ATXN7L1: variants seen among roughly 807,000 people sequenced by gnomAD.
ATXN7L1 encodes ataxin-7-like protein 1.
In ATXN7L1, 15 loss-of-function variants were observed where a neutral mutation model predicts 70.8. That is an observed-to-expected ratio of 0.21 (90% CI 0.14 to 0.33). The LOEUF is 0.33. ATXN7L1 is among the 10% of genes least tolerant of loss of function. The pLI is 1.00. For synonymous variants in ATXN7L1, 440 were observed against 445.1 expected (o/e 0.99, Z 0.14); for missense variants, 975 against 1,097.1 (o/e 0.89, Z 1.57).
intron 2 of ATXN7L1, among the ~76,000 whole-genome samples, chr7:105,872,998 C>A (rs1818496588): frequency 6.6e-6 from 1 of 151,912 alleles, no homozygotes; most frequent in Non-Finnish European, 1.5e-5. Flanking sequence ...ACTAAAAATT[C>A]AAAAAATCAG....
chr7:105,848,680 T>G (rs1232572693), intron 2 of ATXN7L1, among the ~76,000 whole-genome samples: 1 of 152,216 alleles, frequency 6.6e-6, no homozygotes, highest in Non-Finnish European at 1.5e-5. Context: ...CTAGCTTTTT[T>G]CTTCTTTTGT....
intron 3 of ATXN7L1, among the ~76,000 whole-genome samples, chr7:105,774,921 T>C (rs1379210924): frequency 6.6e-6 from 1 of 152,172 alleles, no homozygotes; most frequent in Non-Finnish European, 1.5e-5. Flanking sequence ...AAAGTATCTA[T>C]GACGCTAATA....
At chr7:105,849,449 ACCAGGGCTGGGC>A (rs1306275124) in intron 2 of ATXN7L1, among the ~76,000 whole-genome samples, 1 of 152,132 alleles carries the variant, frequency 6.6e-6, no homozygotes, top group Admixed American at 6.5e-5. Context: ...ACACCAAAAC[ACCAGGGCTGGGC>A]CCCCGCTAGA....
At chr7:105,768,459 T>C (rs1447355439) in intron 3 of ATXN7L1, among the ~76,000 whole-genome samples, 1 of 152,224 alleles carries the variant, frequency 6.6e-6, no homozygotes, top group African/African-American at 2.4e-5. Flanking sequence ...CAGGATCAAG[T>C]TGTATCTGTG....
intron 3 of ATXN7L1, among the ~76,000 whole-genome samples, chr7:105,742,008 TG>T (rs1459862674): frequency 2.6e-5 from 4 of 152,130 alleles, no homozygotes; most frequent in African/African-American, 7.2e-5. Flanking sequence ...TCCAGAACTG[TG>T]AGATACATTT....
At chr7:105,615,023 C>A (rs1793664146) in intron 9 of ATXN7L1, among the ~76,000 whole-genome samples, 1 of 152,074 alleles carries the variant, frequency 6.6e-6, no homozygotes, top group South Asian at 2.1e-4. Context: ...ACCTAATTTT[C>A]ATCACGCACA....
At chr7:105,685,370 A>G (rs928262110) in intron 3 of ATXN7L1, among the ~76,000 whole-genome samples, 1 of 152,348 alleles carries the variant, frequency 6.6e-6, no homozygotes, top group Admixed American at 6.5e-5. Flanking sequence ...ATAAGTCAAG[A>G]TACCATTTCC....
intron 4 of ATXN7L1, among the ~76,000 whole-genome samples, chr7:105,650,667 A>G (rs1471211228): frequency 6.6e-6 from 1 of 152,234 alleles, no homozygotes; most frequent in Admixed American, 6.5e-5. Flanking sequence ...ACTGCCGGCC[A>G]AGAAGGTCAT....
At position 105,655,911 on chromosome 7, in the gene ATXN7L1, C is replaced by T. The variant is rs374665095; in HGVS notation, c.578+9155G>A. Among the ~76,000 whole-genome samples the T allele has an allele frequency of 1.2e-4, 19 of 152,364 alleles. 1 individual carries two copies. Among genetic ancestry groups the T allele is most frequent in the African/African-American group, 4.3e-4 (18 of 41,594 alleles). ...ATGCACAGGGAGGCCAGGGAGCCTG[C>T]TGATTTTTCTTTTGCTTTGGCTCAT... On this transcript the variant is annotated intron_variant, in intron 4 of 11. Transcript: ENST00000419735.
chr7:105,838,103 G>C (rs1812673085), intron 2 of ATXN7L1, among the ~76,000 whole-genome samples: 1 of 152,154 alleles, frequency 6.6e-6, no homozygotes, highest in South Asian at 2.1e-4. Flanking sequence ...AGCGCAATAT[G>C]TGATCCTAGA....
At chr7:105,872,759 A>G (rs1245655731) in intron 2 of ATXN7L1, among the ~76,000 whole-genome samples, 2 of 152,108 alleles carry the variant, frequency 1.3e-5, no homozygotes, top group African/African-American at 4.8e-5. Context: ...GTTGTGTAAT[A>G]TTATGAAAGT....
At chr7:105,793,479 C>CT (rs555492676) in intron 2 of ATXN7L1, among the ~76,000 whole-genome samples, 35 of 152,296 alleles carry the variant, frequency 2.3e-4, no homozygotes, top group Non-Finnish European at 4.3e-4. Context: ...CCTAAGGACT[C>CT]TCCCCCATGA....
At chr7:105,739,201 C>T (rs754799970) in intron 3 of ATXN7L1, among the ~76,000 whole-genome samples, 3 of 152,170 alleles carry the variant, frequency 2.0e-5, no homozygotes, top group South Asian at 2.1e-4. Flanking sequence ...CAAGCAACAG[C>T]ATCAATGGGA....
chr7:105,694,328 G>A (rs945977136), intron 3 of ATXN7L1, among the ~76,000 whole-genome samples: 1 of 151,948 alleles, frequency 6.6e-6, no homozygotes, highest in Non-Finnish European at 1.5e-5. Context: ...GTACAGGTGT[G>A]AGCCACTGCA....
intron 4 of ATXN7L1, among the ~76,000 whole-genome samples, chr7:105,650,996 C>T (rs1799749071): frequency 6.6e-6 from 1 of 152,218 alleles, no homozygotes; most frequent in Admixed American, 6.5e-5. Flanking sequence ...ATCAGACCAA[C>T]CTAGACTCAA....
Position 105,661,265 on chromosome 7 carries a change from C to T in ATXN7L1, c.578+3801G>A, listed in dbSNP as rs111883856. On this transcript the variant is annotated intron_variant, in intron 4 of 11. Coordinates refer to ENST00000419735, the MANE Select transcript of ATXN7L1 (RefSeq NM_020725.2). The stretch of plus-strand genomic sequence containing the variant: ...GGCACACAGTATTACAATAGGTGCT[C>T]ATTAAATGTTGAGTAAAGATGGACG... 8.4e-3 allele frequency among the ~76,000 whole-genome samples: 1,279 copies of T among 152,186 alleles called. 18 individuals are homozygous for T. The highest frequency in any genetic ancestry group is 0.03 in the African/African-American group (1,226 of 41,508).
intron 6 of ATXN7L1, 60 bp from the exon 7 acceptor site, chr7:105,638,669 C>G (rs1449548139): frequency 3.4e-6 from 5 of 1,469,670 alleles, no homozygotes; most frequent in Non-Finnish European, 4.5e-6. Flanking sequence ...CCTGCTTCCC[C>G]AGGCCCTCCA....
At chr7:105,733,104 C>T (rs1226038274) in intron 3 of ATXN7L1, among the ~76,000 whole-genome samples, 1 of 152,146 alleles carries the variant, frequency 6.6e-6, no homozygotes, top group East Asian at 1.9e-4. Flanking sequence ...CATTAAAAGG[C>T]GATTTCCATG....
At chr7:105,788,833 T>C (rs1463183356) in intron 2 of ATXN7L1, 125 bp from the exon 3 acceptor site, 6 of 752,156 alleles carry the variant, frequency 8.0e-6, no homozygotes, top group Non-Finnish European at 1.4e-5. Flanking sequence ...GGCAATAATC[T>C]TTACTAACGG....
Sources: allele counts gnomAD v4.1 joint callset (sites outside exome capture counted in the v4.1 genomes callset), GRCh38; gene constraint gnomAD v4.1.1; transcripts MANE v1.5; gene names NCBI Gene and HGNC (gene_info 2026-07-23, HGNC 2026-07-21).